VMP1: variants seen among roughly 807,000 people sequenced by gnomAD.
The protein encoded by VMP1 is vacuole membrane protein 1, also known as ectopic P-granules autophagy protein 3 homolog.
A neutral mutation model predicts 56.0 loss-of-function variants in VMP1; 11 were observed. That is an observed-to-expected ratio of 0.20 (90% CI 0.12 to 0.32). VMP1 has a LOEUF of 0.32. VMP1 is among the 10% of genes least tolerant of loss of function. VMP1 has a pLI of 1.00. For synonymous variants in VMP1, 149 were observed against 165.0 expected (o/e 0.90, Z 0.74); for missense variants, 296 against 490.3 (o/e 0.60, Z 3.74).
chr17:59,812,392 C>T (rs2038081802), intron 9 of VMP1, among the ~76,000 whole-genome samples: 1 of 152,100 alleles, frequency 6.6e-6, no homozygotes, highest in African/African-American at 2.4e-5. Flanking sequence ...CTCAAAGCCA[C>T]TCTTAACAAA....
At chr17:59,760,262 C>T (rs549813185) in intron 5 of VMP1, among the ~76,000 whole-genome samples, 3 of 151,952 alleles carry the variant, frequency 2.0e-5, no homozygotes, top group Non-Finnish European at 2.9e-5. Context: ...TCTTCATTTC[C>T]TCCTCCCATA....
intron 9 of VMP1, among the ~76,000 whole-genome samples, chr17:59,812,231 T>G (rs148387440): frequency 1.2e-4 from 18 of 152,226 alleles, no homozygotes; most frequent in East Asian, 1.2e-3. Flanking sequence ...TCTATATATA[T>G]AGAGTGTGTA....
chr17:59,723,425 A>G (rs1250057578), intron 1 of VMP1, among the ~76,000 whole-genome samples: 2 of 152,218 alleles, frequency 1.3e-5, no homozygotes, highest in East Asian at 3.8e-4. Flanking sequence ...AAATGAAAGT[A>G]TTTCAAGAAA....
intron 6 of VMP1, among the ~76,000 whole-genome samples, chr17:59,767,100 A>C (rs2036260107): frequency 6.6e-6 from 1 of 151,936 alleles, no homozygotes; most frequent in South Asian, 2.1e-4. Context: ...TTCATGGGTT[A>C]AAGATTTCTT....
chr17:59,809,003 CTTTT>C, intron 8 of VMP1, 127 bp downstream of exon 8: 3 of 593,708 alleles, frequency 5.1e-6, no homozygotes, highest in Non-Finnish European at 8.0e-6. Flanking sequence ...AATCATTCAC[CTTTT>C]TTTTTTTTTA....
intron 10 of VMP1, among the ~76,000 whole-genome samples, chr17:59,821,621 C>T (rs1481027854): frequency 2.0e-5 from 3 of 147,524 alleles, no homozygotes; most frequent in African/African-American, 5.1e-5. Context: ...TCTCAGATCT[C>T]GACTCACCGA....
chr17:59,736,012 C>A (rs868336858), intron 3 of VMP1, among the ~76,000 whole-genome samples: 1 of 152,166 alleles, frequency 6.6e-6, no homozygotes, highest in South Asian at 2.1e-4. Flanking sequence ...GTACTATTAT[C>A]TTAACATTTT....
intron 2 of VMP1, among the ~76,000 whole-genome samples, chr17:59,734,157 G>T (rs2034933420): frequency 6.6e-6 from 1 of 152,170 alleles, no homozygotes; most frequent in East Asian, 1.9e-4. Context: ...CTCTACAAAA[G>T]ATTCTGATGT....
intron 2 of VMP1, among the ~76,000 whole-genome samples, chr17:59,733,514 A>T (rs916690122): frequency 2.0e-5 from 3 of 151,972 alleles, no homozygotes; most frequent in Non-Finnish European, 4.4e-5. Flanking sequence ...CCTGGCCAAC[A>T]TGATGAAACC....
intron 10 of VMP1, among the ~76,000 whole-genome samples, chr17:59,830,968 C>G (rs1183498567): frequency 1.3e-5 from 2 of 152,146 alleles, no homozygotes; most frequent in Middle Eastern, 3.2e-3. Context: ...ACTAGGACTA[C>G]AGGTGTGCAC....
intron 6 of VMP1, 106 bp from the exon 7 acceptor site, chr17:59,773,648 T>A (rs536231549): frequency 9.0e-7 from 1 of 1,106,970 alleles, no homozygotes; most frequent in East Asian, 2.6e-5. Flanking sequence ...CCCAATATAT[T>A]GCATCTCAAA....
At chr17:59,758,384 G>A (rs2035924191) in intron 5 of VMP1, among the ~76,000 whole-genome samples, 1 of 152,158 alleles carries the variant, frequency 6.6e-6, no homozygotes, top group Non-Finnish European at 1.5e-5. Flanking sequence ...AAATATAGAT[G>A]TTGACGTTTT....
At chr17:59,708,980 T>G (rs1184128257) in intron 1 of VMP1, among the ~76,000 whole-genome samples, 1 of 152,222 alleles carries the variant, frequency 6.6e-6, no homozygotes, top group Non-Finnish European at 1.5e-5. Context: ...GAGGGATATA[T>G]CCTACTTGAT....
rs370552832 is a variant in VMP1, at chr17:59,808,822, A to G, written c.741A>G (p.Ala247=). Residue 247 remains alanine (A), a synonymous_variant, in exon 8 of 12, where the codon GCA becomes GCG. Coordinates refer to ENST00000262291, the MANE Select transcript of VMP1 (RefSeq NM_030938.5). Reference sequence around the variant, plus strand: ...ACTTTGCCTCCCGGGCCAAACTGGCAGTTCAAAAACTAGTACAGAAAGTTG... The same window carrying G: ...ACTTTGCCTCCCGGGCCAAACTGGCGGTTCAAAAACTAGTACAGAAAGTTG... ...AQDFASRAKL[A]VQKLVQKVGF... The G allele has an allele frequency of 3.7e-6, 6 of 1,613,996 alleles. No homozygotes were observed. Among genetic ancestry groups the G allele is most frequent in the South Asian group, 3.3e-5 (3 of 91,076 alleles).
At chr17:59,805,080 G>A (rs2037801681) in intron 7 of VMP1, among the ~76,000 whole-genome samples, 1 of 152,054 alleles carries the variant, frequency 6.6e-6, no homozygotes. Context: ...CACTTTACTT[G>A]TTTTCCTTAT....
chr17:59,839,661 C>G, intron 11 of VMP1, 107 bp from the exon 12 acceptor site: 1 of 1,382,162 alleles, frequency 7.2e-7, no homozygotes. Flanking sequence ...ATTTTTAATT[C>G]TTTAGGTTTT....
intron 5 of VMP1, among the ~76,000 whole-genome samples, chr17:59,743,724 C>CT (rs1355471617): frequency 6.6e-6 from 1 of 151,546 alleles, no homozygotes; most frequent in Non-Finnish European, 1.5e-5. Flanking sequence ...AAAAACTTGG[C>CT]TTTTTTAAGG....
At chr17:59,724,689 G>T (rs1474701462) in intron 1 of VMP1, among the ~76,000 whole-genome samples, 1 of 151,172 alleles carries the variant, frequency 6.6e-6, no homozygotes, top group Non-Finnish European at 1.5e-5. Flanking sequence ...ATAATAGGCA[G>T]GGCACGGTGG....
Position 59,757,736 on chromosome 17 carries a change from C to T in VMP1, c.415-7235C>T, listed in dbSNP as rs759864043. On this transcript the variant is annotated intron_variant, in intron 5 of 11. Coordinates refer to ENST00000262291, the MANE Select transcript of VMP1 (RefSeq NM_030938.5). ...AGCTCATGAGACTAGATATATGGAA[C>T]TCTGAAATGAAGCAAATCCAGATGT... 2.6e-5 allele frequency among the ~76,000 whole-genome samples: 4 copies of T among 151,942 alleles called. No individual in the cohort carries two copies. In the South Asian group the frequency reaches 8.3e-4, roughly 32 times the overall value.
Sources: allele counts gnomAD v4.1 joint callset (sites outside exome capture counted in the v4.1 genomes callset), GRCh38; gene constraint gnomAD v4.1.1; transcripts MANE v1.5; gene names NCBI Gene and HGNC (gene_info 2026-07-23, HGNC 2026-07-21).